Variants in STAC observed in about 807,000 individuals in gnomAD.
The protein encoded by STAC is SH3 and cysteine-rich domain-containing protein.
A neutral mutation model predicts 48.8 loss-of-function variants in STAC; 43 were observed. The ratio of observed to expected loss-of-function variants is 0.88; its 90% CI spans 0.69 to 1.14. STAC has a LOEUF of 1.14. Among genes scored for constraint, STAC ranks in the 50% most tolerant of loss-of-function variants. The probability of loss-of-function intolerance (pLI) is 0.00; values close to 1 mark genes in which losing one functional copy is unlikely to be tolerated. For synonymous variants in STAC, 193 were observed against 179.5 expected, an observed-to-expected ratio of 1.07 and a Z score of -0.60; for missense variants, 497 against 504.0, an observed-to-expected ratio of 0.99 and a Z score of 0.13.
intron 2 of STAC, among the ~76,000 whole-genome samples, chr3:36,469,316 A>G (rs1015316028): frequency 2.0e-5 from 3 of 152,122 alleles, no homozygotes; most frequent in Non-Finnish European, 4.4e-5. Context: ...GTTTGCCTGG[A>G]AAGACTGTAT....
chr3:36,526,008 A>G (rs759132591), intron 8 of STAC, among the ~76,000 whole-genome samples: 2 of 152,238 alleles, frequency 1.3e-5, no homozygotes, highest in Non-Finnish European at 2.9e-5. Flanking sequence ...CACATCTATA[A>G]CAGTACTAGA....
At chr3:36,393,621 T>G (rs969276176) in intron 1 of STAC, among the ~76,000 whole-genome samples, 3 of 150,788 alleles carry the variant, frequency 2.0e-5, no homozygotes, top group Non-Finnish European at 4.4e-5. Flanking sequence ...GGGTGAAAGC[T>G]TCATGATGCA....
chr3:36,443,175 G>A lies in STAC; in HGVS notation c.112-189G>A, dbSNP rs1485625718. ...TTTCTGCTCATCTGGCTTAGTGGCA[G>A]GGGCGGGGGAAATTCCCTCTTTACT... On this transcript the variant is annotated intron_variant, in intron 1 of 10. Transcript: ENST00000273183. The surrounding 1 kb of genome is among the most constrained non-coding windows in gnomAD (Gnocchi z 4.2). Among the ~76,000 whole-genome samples, 1 of 152,118 alleles carries A rather than the reference G, an allele frequency of 6.6e-6. No individual in the cohort carries two copies. Among genetic ancestry groups the A allele is most frequent in the East Asian group, 1.9e-4 (1 of 5,178 alleles).
At chr3:36,543,955 C>CAA (rs1559532579) in intron 10 of STAC, among the ~76,000 whole-genome samples, 1 of 152,136 alleles carries the variant, frequency 6.6e-6, no homozygotes, top group African/African-American at 2.4e-5. Context: ...GTTCATGTTT[C>CAA]ACCTAGAACC....
intron 1 of STAC, among the ~76,000 whole-genome samples, chr3:36,396,872 T>C (rs1417967914): frequency 2.0e-5 from 3 of 152,180 alleles, no homozygotes; most frequent in Non-Finnish European, 4.4e-5. Flanking sequence ...ATACTGCTGT[T>C]CTCTCCTAGT....
intron 10 of STAC, among the ~76,000 whole-genome samples, chr3:36,538,752 G>A (rs978772502): frequency 6.6e-6 from 1 of 152,082 alleles, no homozygotes; most frequent in African/African-American, 2.4e-5. Flanking sequence ...GGTTAAAGAG[G>A]CTTACATTTT....
At position 36,547,240 on chromosome 3, in the gene STAC, T is replaced by C. The variant is rs896154234; in HGVS notation, c.*951T>C. On this transcript the variant is annotated 3_prime_UTR_variant, in exon 11 of 11. Coordinates refer to ENST00000273183, the MANE Select transcript of STAC (RefSeq NM_003149.3). Reference sequence around the variant, plus strand: ...GTCCTATAGGACTCCACTTTGAAGGTTGTGCCTACGTTGCAGGGAACTAGG... The same window carrying C: ...GTCCTATAGGACTCCACTTTGAAGGCTGTGCCTACGTTGCAGGGAACTAGG... 12 of 152,354 alleles carry C rather than the reference T, an allele frequency of 7.9e-5. No homozygotes were observed. The highest frequency in any genetic ancestry group is 2.7e-4 in the African/African-American group (11 of 41,458). 9.4% of individuals were successfully genotyped at this position (152,354 alleles called of 1,614,324 possible).
intron 2 of STAC, among the ~76,000 whole-genome samples, chr3:36,453,949 A>C (rs918155723): frequency 6.6e-6 from 1 of 151,948 alleles, no homozygotes; most frequent in Non-Finnish European, 1.5e-5. Flanking sequence ...GACTTGGAGA[A>C]CCTTTGTGTC....
intron 2 of STAC, among the ~76,000 whole-genome samples, chr3:36,468,491 G>A (rs1453856019): frequency 6.6e-6 from 1 of 151,670 alleles, no homozygotes; most frequent in Non-Finnish European, 1.5e-5. Flanking sequence ...TGTTGTCAGT[G>A]GAGTATTAAA....
intron 7 of STAC, 33 bp downstream of exon 7, chr3:36,504,490 C>G: frequency 1.9e-6 from 3 of 1,604,904 alleles, no homozygotes; most frequent in Non-Finnish European, 1.7e-6. Context: ...ACAAGTCAGA[C>G]AGGAGTCCTT....
At chr3:36,467,475 G>C (rs1203831874) in intron 2 of STAC, among the ~76,000 whole-genome samples, 1 of 152,004 alleles carries the variant, frequency 6.6e-6, no homozygotes, top group Non-Finnish European at 1.5e-5. Context: ...TGCGGTTCTG[G>C]ACTTTTTTTG....
chr3:36,479,306 C>T (rs571016512), intron 2 of STAC, among the ~76,000 whole-genome samples: 2 of 151,458 alleles, frequency 1.3e-5, no homozygotes, highest in South Asian at 4.1e-4. Context: ...ATTTCATCTT[C>T]TTCTAGTTTC....
chr3:36,480,956 A>G (rs553966444), intron 2 of STAC, among the ~76,000 whole-genome samples: 5 of 152,334 alleles, frequency 3.3e-5, no homozygotes, highest in African/African-American at 1.2e-4. Flanking sequence ...CAAATAAATA[A>G]TAATTGTGAT....
intron 1 of STAC, among the ~76,000 whole-genome samples, chr3:36,417,179 T>C (rs1559483424): frequency 6.6e-6 from 1 of 152,136 alleles, no homozygotes; most frequent in Non-Finnish European, 1.5e-5. Context: ...ATGAACTTCC[T>C]AAAGCCATGT....
chr3:36,445,199 T>C (rs1302284492), intron 2 of STAC, among the ~76,000 whole-genome samples: 1 of 152,226 alleles, frequency 6.6e-6, no homozygotes, highest in African/African-American at 2.4e-5. Flanking sequence ...AAGAGGATTC[T>C]AGGTACATCT....
At chr3:36,395,406 G>C (rs1201080886) in intron 1 of STAC, among the ~76,000 whole-genome samples, 2 of 152,128 alleles carry the variant, frequency 1.3e-5, no homozygotes, top group Non-Finnish European at 2.9e-5. Context: ...AAAGAGAAAA[G>C]AGCAGACATG....
chr3:36,466,110 T>C (rs931515865), intron 2 of STAC, among the ~76,000 whole-genome samples: 1 of 152,236 alleles, frequency 6.6e-6, no homozygotes, highest in Non-Finnish European at 1.5e-5. Context: ...TTCATTCTTC[T>C]ACATGTGACT....
At chr3:36,416,746 A>AT (rs1462661330) in intron 1 of STAC, among the ~76,000 whole-genome samples, 1 of 151,756 alleles carries the variant, frequency 6.6e-6, no homozygotes, top group Non-Finnish European at 1.5e-5. Context: ...ATGCCATGTT[A>AT]TTTTTTCCTG....
Position 36,546,489 on chromosome 3 carries a change from G to A in STAC, c.*200G>A. 1 of 579,086 alleles carries A rather than the reference G, an allele frequency of 1.7e-6. No homozygotes were observed. Among genetic ancestry groups the A allele is most frequent in the Non-Finnish European group, 3.1e-6 (1 of 326,290 alleles). 35.9% of individuals were successfully genotyped at this position (579,086 alleles called of 1,614,324 possible). A position where few individuals can be genotyped will look rare whatever the true frequency, so the allele number is the denominator to read the frequency against. ...TGCACAGCATATCCAGGCTGCCACA[G>A]GTGGGGACGAGGCTGAGAGAGTCAG... is the stretch of plus-strand genomic sequence containing the variant. On this transcript the variant is annotated 3_prime_UTR_variant, in exon 11 of 11. Transcript: ENST00000273183.
Sources: allele counts gnomAD v4.1 joint callset (sites outside exome capture counted in the v4.1 genomes callset), GRCh38; gene constraint gnomAD v4.1.1; non-coding constraint Gnocchi (gnomAD v3.1); transcripts MANE v1.5; gene names NCBI Gene and HGNC (gene_info 2026-07-23, HGNC 2026-07-21).